MIA2: variants seen among roughly 807,000 people sequenced by gnomAD.
The protein encoded by MIA2 is melanoma inhibitory activity protein 2.
A neutral mutation model predicts 167.8 loss-of-function variants in MIA2; 127 were observed. The ratio of observed to expected loss-of-function variants is 0.76; its 90% CI spans 0.66 to 0.88. The LOEUF (loss-of-function observed/expected upper bound fraction) is 0.88, where lower values mean the gene tolerates loss of function less well. MIA2 is among the 40% of genes least tolerant of loss of function. MIA2 has a pLI of 0.00. For missense variants in MIA2, 1,690 were observed against 1,624.7 expected (o/e 1.04, Z -0.69); for synonymous variants, 552 against 541.9 (o/e 1.02, Z -0.26).
intron 23 of MIA2, among the ~76,000 whole-genome samples, chr14:39,361,874 C>G (rs1440137483): frequency 1.3e-5 from 2 of 152,060 alleles, no homozygotes; most frequent in Non-Finnish European, 2.9e-5. Context: ...GAAGAATGTT[C>G]CTTCTGTATT....
At chr14:39,310,905 T>C (rs1048137603) in intron 18 of MIA2, among the ~76,000 whole-genome samples, 1 of 152,000 alleles carries the variant, frequency 6.6e-6, no homozygotes, top group Non-Finnish European at 1.5e-5. Flanking sequence ...AACTTCAGGG[T>C]TTTTCAGCCA....
intron 23 of MIA2, among the ~76,000 whole-genome samples, chr14:39,357,739 G>A (rs2074567176): frequency 6.6e-6 from 1 of 152,158 alleles, no homozygotes; most frequent in South Asian, 2.1e-4. Context: ...CTCCCGTAGG[G>A]CAGGCCTGGT....
intron 18 of MIA2, among the ~76,000 whole-genome samples, chr14:39,310,302 G>A (rs2152924273): frequency 6.6e-6 from 1 of 152,262 alleles, no homozygotes; most frequent in Non-Finnish European, 1.5e-5. Context: ...TTTTGCTGGT[G>A]ATTTAGCTGT....
chr14:39,320,822 A>G (rs1435932021), intron 23 of MIA2, 106 bp from the exon 24 acceptor site: 1 of 1,231,966 alleles, frequency 8.1e-7, no homozygotes, highest in African/African-American at 1.5e-5. Context: ...ATTAAACTTA[A>G]ATTGGCAATA....
chr14:39,338,736 A>G (rs2071078828), intron 25 of MIA2, among the ~76,000 whole-genome samples: 1 of 152,204 alleles, frequency 6.6e-6, no homozygotes, highest in African/African-American at 2.4e-5. Context: ...GAAAAAACAC[A>G]AAAGTGTTTT....
At chr14:39,350,045 A>T (rs2074200292) in intron 28 of MIA2, 53 bp from the exon 29 acceptor site, 1 of 670,492 alleles carries the variant, frequency 1.5e-6, no homozygotes, top group Non-Finnish European at 2.6e-6. Context: ...TTATTAGGGC[A>T]CAGTACAGGT....
At chr14:39,355,444 G>A (rs2074497268), downstream of MIA2, among the ~76,000 whole-genome samples, 1 of 152,150 alleles carries the variant, frequency 6.6e-6, no homozygotes, top group Non-Finnish European at 1.5e-5. Context: ...AGCTTAAGGA[G>A]ATTTTGGGCT....
At chr14:39,279,276 G>A (rs7158558) in intron 7 of MIA2, 61 bp from the exon 8 acceptor site, 1,337,805 of 1,445,958 alleles carry the variant, frequency 0.93, 619,432 homozygotes, top group East Asian at 0.97. Flanking sequence ...GACGTTAAAT[G>A]AATTGATTTA....
intron 23 of MIA2, among the ~76,000 whole-genome samples, chr14:39,368,542 T>A (rs1218805089): frequency 2.0e-5 from 3 of 152,176 alleles, no homozygotes; most frequent in East Asian, 3.8e-4. Context: ...TGGTGTACCG[T>A]GGCTGCCACC....
chr14:39,356,458 G>A (rs2074527769), intron 23 of MIA2, among the ~76,000 whole-genome samples: 1 of 151,932 alleles, frequency 6.6e-6, no homozygotes, highest in Admixed American at 6.6e-5. Context: ...TTCTTTATTA[G>A]TCTTGCTAGT....
intron 23 of MIA2, 59 bp downstream of exon 23, chr14:39,319,350 T>C (rs1595558067): frequency 1.3e-6 from 1 of 778,400 alleles, no homozygotes; most frequent in Non-Finnish European, 1.9e-6. Flanking sequence ...ATATATATAT[T>C]GCACATATAG....
At chr14:39,359,360 G>T (rs1595938485) in intron 23 of MIA2, among the ~76,000 whole-genome samples, 1 of 152,232 alleles carries the variant, frequency 6.6e-6, no homozygotes, top group South Asian at 2.1e-4. Flanking sequence ...CCAGGCGTGG[G>T]ATATAATCTT....
chr14:39,366,038 G>A (rs1055093297), intron 23 of MIA2, among the ~76,000 whole-genome samples: 2 of 152,100 alleles, frequency 1.3e-5, no homozygotes, highest in African/African-American at 2.4e-5. Context: ...CTTTAGCTTT[G>A]ATTCTGGGTG....
chr14:39,314,914 T>TCAAAAGAGGTATA, intron 20 of MIA2, 115 bp downstream of exon 20: 1 of 740,122 alleles, frequency 1.4e-6, no homozygotes, highest in Non-Finnish European at 2.0e-6. Context: ...GTTGTATACC[T>TCAAAAGAGGTATA]CTTTTGAGGT....
chr14:39,238,298 G>T (rs188955200), intron 2 of MIA2, among the ~76,000 whole-genome samples: 1 of 151,580 alleles, frequency 6.6e-6, no homozygotes, highest in Non-Finnish European at 1.5e-5. Context: ...TCAGCCTCCC[G>T]AGTAGCTGGG....
In MIA2 at chr14:39,320,976, CAA is replaced by C; in HGVS notation, c.3417_3418del (p.Arg1140SerfsTer41). ...CCATTGGGTTGGCCTTCATCTGAAA[CAA>C]GAGCTTTTCTCTCTCCTCCAACTTT... On this transcript the variant is annotated frameshift_variant, in exon 24 of 29. Transcript: ENST00000640607. LOFTEE classifies it high-confidence loss of function. 1 of 1,613,722 alleles carries C rather than the reference CAA, an allele frequency of 6.2e-7. No homozygotes were observed. Among genetic ancestry groups the C allele is most frequent in the Non-Finnish European group, 8.5e-7 (1 of 1,179,700 alleles).
chr14:39,298,191 TC>T (rs1261506880), intron 13 of MIA2, among the ~76,000 whole-genome samples: 5 of 151,976 alleles, frequency 3.3e-5, no homozygotes, highest in Non-Finnish European at 7.4e-5. Context: ...TCAGTCTTAC[TC>T]TTTACAACTG....
At chr14:39,312,702 G>GA (rs78175500) in intron 18 of MIA2, among the ~76,000 whole-genome samples, 141,565 of 152,232 alleles carry the variant, frequency 0.93, 65,925 homozygotes, top group African/African-American at 0.96. Flanking sequence ...TGTAAGATGG[G>GA]ATAACAGTAC....
chr14:39,256,119 T>A (rs1198500924), intron 6 of MIA2, among the ~76,000 whole-genome samples: 1 of 152,200 alleles, frequency 6.6e-6, no homozygotes, highest in Non-Finnish European at 1.5e-5. Flanking sequence ...TAGTTGCCAA[T>A]TTTTCTGGAG....
Sources: allele counts gnomAD v4.1 joint callset (sites outside exome capture counted in the v4.1 genomes callset), GRCh38; gene constraint gnomAD v4.1.1; transcripts MANE v1.5; gene names NCBI Gene and HGNC (gene_info 2026-07-23, HGNC 2026-07-21).